Variants in CACNA2D4 observed in about 807,000 individuals in gnomAD.
The protein encoded by CACNA2D4 is voltage-dependent calcium channel subunit alpha-2/delta-4.
CACNA2D4 carries 157 observed loss-of-function variants against 163.8 expected under a neutral mutation model. That is an observed-to-expected ratio of 0.96 (90% CI 0.84 to 1.09). The LOEUF is 1.09. Ranked by LOEUF, CACNA2D4 falls within the 50% of genes least tolerant of loss-of-function variation. CACNA2D4 has a pLI of 0.00. For missense variants in CACNA2D4, 1,410 were observed against 1,479.9 expected (o/e 0.95, Z 0.78); for synonymous variants, 598 against 586.9 (o/e 1.02, Z -0.27).
At position 1,850,625 on chromosome 12, in the gene CACNA2D4, C is replaced by T. The variant is rs574657767; in HGVS notation, c.2246+3326G>A. On this transcript the variant is annotated intron_variant, in intron 23 of 37. Transcript: ENST00000382722. ...TTTTTTTAAAAAAAGATGAGGTTGG[C>T]CAGGCGCGGTGGCTCACGCCTGTAA... 5.9e-5 allele frequency among the ~76,000 whole-genome samples: 9 copies of T among 152,084 alleles called. No individual in the cohort carries two copies. In the South Asian group the frequency reaches 1.9e-3, roughly 32 times the overall value.
In CACNA2D4 at chr12:1,844,408, C is replaced by G. The variant is rs1286018809; in HGVS notation, c.2464G>C (p.Gly822Arg). 1.9e-6 allele frequency: 3 copies of G among 1,613,494 alleles called. No individual in the cohort carries two copies. The highest frequency in any genetic ancestry group is 2.2e-5 in the South Asian group (2 of 90,918). The change falls in exon 25 of 38, where the codon GGA becomes CGA. Residue 822 changes from glycine to arginine, a missense_variant. Coordinates refer to ENST00000382722, the MANE Select transcript of CACNA2D4 (RefSeq NM_172364.5). This position sits in a 1 kb window ranked among gnomAD's most constrained non-coding sequence, Gnocchi z 4.2. ...SFVFNLRWAE[G>R]PESAGEPMVV... ...GCACCGGGCTGTGTGTTACCTGGTC[C>G]TTCTGCCCAGCGGAGGTTGAAGACG...
intron 31 of CACNA2D4, chr12:1,800,699 A>G (rs1233855019): frequency 1.2e-5 from 7 of 594,238 alleles, no homozygotes; most frequent in Non-Finnish European, 2.1e-5. Context: ...CCAGGAGACG[A>G]GTCAAGCCCT....
intron 29 of CACNA2D4, among the ~76,000 whole-genome samples, chr12:1,808,762 G>A (rs145490818): frequency 6.6e-5 from 10 of 152,336 alleles, no homozygotes; most frequent in Non-Finnish European, 1.3e-4. Context: ...GTCGGAGCAC[G>A]AATGAGGGGG....
At chr12:1,853,658 T>C (rs1469270792) in intron 23 of CACNA2D4, among the ~76,000 whole-genome samples, 1 of 152,202 alleles carries the variant, frequency 6.6e-6, no homozygotes, top group East Asian at 1.9e-4. Flanking sequence ...GTCAAGTTCA[T>C]TGGTGCCATG....
At chr12:1,817,852 C>A (rs533979662) in intron 26 of CACNA2D4, among the ~76,000 whole-genome samples, 1 of 152,102 alleles carries the variant, frequency 6.6e-6, no homozygotes, top group East Asian at 1.9e-4. Context: ...ACCTCCCAGC[C>A]GCCTGCCTTG....
chr12:1,887,056 T>A lies in CACNA2D4; in HGVS notation c.795A>T (p.Thr265=), dbSNP rs762983699. The A allele has an allele frequency of 2.5e-6, 4 of 1,590,024 alleles. No individual in the cohort carries two copies. The Admixed American group carries it at 6.9e-5, about 28-fold the overall frequency. Residue 265 remains threonine, a synonymous_variant, in exon 7 of 38, where the codon ACA becomes ACT. Coordinates refer to ENST00000382722, the MANE Select transcript of CACNA2D4 (RefSeq NM_172364.5). ...FFRIYPGIKW[T]PDENGVITFD... is the part of the protein sequence containing the mutation. ...AAGTAATGACTCCATTCTCATCAGG[T>A]GTCCATTTTATACCTGGGAGAATAA...
intron 27 of CACNA2D4, 123 bp downstream of exon 27, chr12:1,811,539 G>T: frequency 2.1e-6 from 2 of 973,910 alleles, no homozygotes; most frequent in Non-Finnish European, 3.2e-6. Flanking sequence ...AGAAGTGTAG[G>T]GGCCGGGAGG....
At chr12:1,855,188 T>C (rs375418458) in intron 22 of CACNA2D4, among the ~76,000 whole-genome samples, 1 of 152,214 alleles carries the variant, frequency 6.6e-6, no homozygotes, top group South Asian at 2.1e-4. Flanking sequence ...GTAAGCTCCA[T>C]GATAGCAAGG....
At chr12:1,797,677 A>G (rs1381205074) in intron 34 of CACNA2D4, 142 bp from the exon 35 acceptor site, 12 of 585,546 alleles carry the variant, frequency 2.0e-5, no homozygotes, top group Non-Finnish European at 3.4e-5. Context: ...CACGCGTGGG[A>G]GGAGCCGGGC....
chr12:1,831,434 C>T (rs768465054), intron 26 of CACNA2D4: 5 of 1,614,178 alleles, frequency 3.1e-6, no homozygotes, highest in Non-Finnish European at 3.4e-6. Flanking sequence ...CCCTAGCAAA[C>T]CTGCAGCTGC....
intron 26 of CACNA2D4, among the ~76,000 whole-genome samples, chr12:1,838,320 G>A (rs1238736963): frequency 1.3e-5 from 2 of 152,066 alleles, no homozygotes; most frequent in Admixed American, 6.6e-5. Flanking sequence ...CCTCGAGCTC[G>A]GTGCGCAATC....
rs927072893 is a variant in CACNA2D4 at position 1,875,526 on chromosome 12, A to T, written c.1720-189T>A. Among the ~76,000 whole-genome samples the T allele has an allele frequency of 2.0e-5, 3 of 152,202 alleles. No individual in the cohort carries two copies. Among genetic ancestry groups the T allele is most frequent in the African/African-American group, 7.2e-5 (3 of 41,452 alleles). The stretch of plus-strand genomic sequence containing the variant: ...TACAGAGCTCCCCTTACTGACATCT[A>T]TGACAGATGGTCTCACGGCCTCTGA... On this transcript the variant is annotated intron_variant, in intron 16 of 37. Transcript: ENST00000382722. The surrounding 1 kb of genome is among the most constrained non-coding windows in gnomAD (Gnocchi z 4.0).
intron 22 of CACNA2D4, among the ~76,000 whole-genome samples, chr12:1,855,337 C>T (rs1448464699): frequency 1.3e-5 from 2 of 152,154 alleles, no homozygotes; most frequent in East Asian, 1.9e-4. Flanking sequence ...AGGCAGTCTT[C>T]TTATGCGGGT....
rs368228385 is a variant in CACNA2D4, at chr12:1,817,940, C to T, written c.2552-6217G>A. Among the ~76,000 whole-genome samples the T allele has an allele frequency of 1.1e-3, 164 of 151,620 alleles. 2 individuals carry two copies. The East Asian group carries it at 0.028, about 26-fold the overall frequency. ...GAAGTGAGGAGCGTCTCCGCCTGGC[C>T]GCCCATCGTCTGGGATGTGAGGAGC... On this transcript the variant is annotated intron_variant, in intron 26 of 37. Transcript: ENST00000382722.
In CACNA2D4 at chr12:1,869,068, G is replaced by A. The variant is rs959819736; in HGVS notation, c.1878+5536C>T. Among the ~76,000 whole-genome samples, 171 of 152,116 alleles carry A rather than the reference G, an allele frequency of 1.1e-3. 3 individuals carry two copies. Among genetic ancestry groups the A allele is most frequent in the Admixed American group, 0.011 (164 of 15,272 alleles). On this transcript the variant is annotated intron_variant, in intron 18 of 37. Transcript: ENST00000382722. This position sits in a 1 kb window ranked among gnomAD's most constrained non-coding sequence, Gnocchi z 4.7. ...CCCATGGATGCTGAGGGATGACTGC[G>A]CATCACGTTGTGCACCTTAAATATA...
chr12:1,840,838 C>T lies in CACNA2D4; in HGVS notation c.2471-19G>A, dbSNP rs1003698868. 3 of 1,487,876 alleles carry T rather than the reference C, an allele frequency of 2.0e-6. No individual in the cohort carries two copies. In the African/African-American group the frequency reaches 7.3e-5, roughly 36 times the overall value. 92.2% of individuals were successfully genotyped at this position (1,487,876 alleles called of 1,614,324 possible). The stretch of plus-strand genomic sequence containing the variant: ...GCACTTTCTGGGGAAACAGAGACAA[C>T]CCAGTCATGGGGAAGAGCTGTGGTT... On this transcript the variant is annotated intron_variant, in intron 25 of 37. Coordinates refer to ENST00000382722, the MANE Select transcript of CACNA2D4 (RefSeq NM_172364.5).
intron 26 of CACNA2D4, among the ~76,000 whole-genome samples, chr12:1,821,864 G>T (rs949600797): frequency 1.3e-5 from 2 of 152,086 alleles, no homozygotes; most frequent in African/African-American, 2.4e-5. Flanking sequence ...ATTTCTGGGG[G>T]GTGTTGGCAC....
rs1863210934 is a variant in CACNA2D4 at position 1,798,734 on chromosome 12, T to C, written c.2995+941A>G. ...GACAGGTACCCCAGAGAAGAGAAAT[T>C]CTGAGCAGGCAGATTGAGGGGGATC... On this transcript the variant is annotated intron_variant, in intron 34 of 37. Transcript: ENST00000382722. This position sits in a 1 kb window ranked among gnomAD's most constrained non-coding sequence, Gnocchi z 4.3. Among the ~76,000 whole-genome samples the C allele has an allele frequency of 6.6e-6, 1 of 152,078 alleles. No individual in the cohort carries two copies. Among genetic ancestry groups the C allele is most frequent in the Non-Finnish European group, 1.5e-5 (1 of 68,012 alleles).
At chr12:1,915,432 C>T (rs1379940394) in intron 1 of CACNA2D4, among the ~76,000 whole-genome samples, 1 of 152,202 alleles carries the variant, frequency 6.6e-6, no homozygotes, top group African/African-American at 2.4e-5. Flanking sequence ...TGGACAGCCT[C>T]AGGCCAGGGC....
Sources: gnomAD v4.1 joint callset for allele counts (sites outside exome capture counted in the v4.1 genomes callset) on GRCh38, gnomAD v4.1.1 for gene constraint, Gnocchi (gnomAD v3.1) non-coding constraint, MANE v1.5 for transcripts, NCBI Gene and HGNC (gene_info 2026-07-23, HGNC 2026-07-21) for gene names.